Variants in ZBTB38 observed in about 807,000 individuals in gnomAD.
ZBTB38 encodes zinc finger and BTB domain-containing protein 38.
A neutral mutation model predicts 76.8 loss-of-function variants in ZBTB38; 20 were observed. That is an observed-to-expected ratio of 0.26 (90% CI 0.18 to 0.38). The LOEUF (loss-of-function observed/expected upper bound fraction) is 0.38, where lower values mean the gene tolerates loss of function less well. Among genes scored for constraint, ZBTB38 ranks in the 10% least tolerant of loss-of-function variants. The pLI, the probability that ZBTB38 is intolerant of heterozygous loss-of-function variation, is 1.00. For missense variants in ZBTB38, 1,082 were observed against 1,482.3 expected, an observed-to-expected ratio of 0.73 and a Z score of 4.43; for synonymous variants, 504 against 544.2, an observed-to-expected ratio of 0.93 and a Z score of 1.03.
intron 1 of ZBTB38, among the ~76,000 whole-genome samples, chr3:141,335,027 T>TGACACTACCGCCTCTGCTGCC (rs1942976223): frequency 6.6e-6 from 1 of 151,798 alleles, no homozygotes; most frequent in Admixed American, 6.6e-5. Flanking sequence ...TCTGCATGTC[T>TGACACTACCGCCTCTGCTGCC]GACACTACCG....
chr3:141,373,295 G>A (rs1944901940), intron 2 of ZBTB38, among the ~76,000 whole-genome samples: 1 of 152,144 alleles, frequency 6.6e-6, no homozygotes, highest in African/African-American at 2.4e-5. Context: ...AATTTCACAT[G>A]GGAGTAATAA....
chr3:141,425,994 A>G, intron 5 of ZBTB38: 1 of 431,130 alleles, frequency 2.3e-6, no homozygotes, highest in South Asian at 1.8e-5. Flanking sequence ...CAGCACATAT[A>G]TGCTTGTTAG....
chr3:141,435,623 G>A (rs763473148), intron 5 of ZBTB38, among the ~76,000 whole-genome samples: 2 of 151,982 alleles, frequency 1.3e-5, no homozygotes, highest in African/African-American at 4.8e-5. Context: ...AGCCAGGCAC[G>A]GTGGCACACA....
intron 1 of ZBTB38, among the ~76,000 whole-genome samples, chr3:141,356,970 A>G (rs994984308): frequency 3.3e-5 from 5 of 152,230 alleles, no homozygotes; most frequent in African/African-American, 1.2e-4. Flanking sequence ...AAATAATTAG[A>G]TCACTACCAA....
At chr3:141,421,082 T>G (rs375043849) in intron 5 of ZBTB38, among the ~76,000 whole-genome samples, 1 of 152,098 alleles carries the variant, frequency 6.6e-6, no homozygotes, top group Admixed American at 6.5e-5. Flanking sequence ...CTACTTGCTA[T>G]GTACTTGCTG....
chr3:141,331,171 T>G (rs762279405), intron 1 of ZBTB38, among the ~76,000 whole-genome samples: 7 of 152,214 alleles, frequency 4.6e-5, no homozygotes, highest in Non-Finnish European at 1.0e-4. Context: ...TGACATCAAC[T>G]CTAAATATCT....
At position 141,334,513 on chromosome 3, in the gene ZBTB38, C is replaced by T. The variant is rs1413922160; in HGVS notation, c.-739+10057C>T. On this transcript the variant is annotated intron_variant, in intron 1 of 7. Transcript: ENST00000509842. ...CCTTCCTTCCTTCCTTTCCTTCCTT[C>T]TCCCTTCCTTTCTCTCTGGGAAGGA... Among the ~76,000 whole-genome samples, 3 of 150,958 alleles carry T rather than the reference C, an allele frequency of 2.0e-5. No homozygotes were observed. In the East Asian group the frequency reaches 5.8e-4, roughly 29 times the overall value.
At chr3:141,340,980 A>AAGAAAGAAAG (rs1943176949) in intron 1 of ZBTB38, among the ~76,000 whole-genome samples, 1 of 148,256 alleles carries the variant, frequency 6.7e-6, no homozygotes, top group Non-Finnish European at 1.5e-5. Flanking sequence ...GAAAGAAAGA[A>AAGAAAGAAAG]AGAAAGAAAG....
At chr3:141,357,561 G>T (rs1476243196) in intron 1 of ZBTB38, among the ~76,000 whole-genome samples, 2 of 151,952 alleles carry the variant, frequency 1.3e-5, no homozygotes, top group African/African-American at 2.4e-5. Flanking sequence ...ATGAAGTCTC[G>T]CTCTGTTGCC....
intron 1 of ZBTB38, among the ~76,000 whole-genome samples, chr3:141,355,018 A>G (rs1307007289): frequency 6.6e-6 from 1 of 152,002 alleles, no homozygotes; most frequent in African/African-American, 2.4e-5. Context: ...CACTAAATTA[A>G]TATATGCACA....
At chr3:141,425,335 T>C (rs1466426317) in intron 5 of ZBTB38, among the ~76,000 whole-genome samples, 1 of 152,222 alleles carries the variant, frequency 6.6e-6, no homozygotes, top group East Asian at 1.9e-4. Context: ...AATATTATCT[T>C]GAAATGGGAG....
At chr3:141,384,946 A>T (rs1309885161) in intron 3 of ZBTB38, 1 of 152,252 alleles carries the variant, frequency 6.6e-6, no homozygotes, top group Non-Finnish European at 1.5e-5. Flanking sequence ...GGCAGGGTAC[A>T]TTCCATACAC....
chr3:141,334,348 G>A (rs1015951431), intron 1 of ZBTB38, among the ~76,000 whole-genome samples: 24 of 151,590 alleles, frequency 1.6e-4, no homozygotes, highest in Admixed American at 2.0e-4. Context: ...ACATTAAATC[G>A]CCTCCCTGCC....
At chr3:141,389,877 C>T (rs1948313817) in intron 4 of ZBTB38, 1 of 152,090 alleles carries the variant, frequency 6.6e-6, no homozygotes, top group East Asian at 1.9e-4. Context: ...AATGTCGATT[C>T]TTTTGTTTGT....
chr3:141,326,817 C>T (rs1942687781), intron 1 of ZBTB38, among the ~76,000 whole-genome samples: 1 of 152,110 alleles, frequency 6.6e-6, no homozygotes, highest in African/African-American at 2.4e-5. Flanking sequence ...CCAATTCCTC[C>T]CTCTTGAGGG....
At chr3:141,411,182 AG>A (rs889220293) in intron 5 of ZBTB38, among the ~76,000 whole-genome samples, 1 of 152,238 alleles carries the variant, frequency 6.6e-6, no homozygotes, top group Non-Finnish European at 1.5e-5. Flanking sequence ...TTGCCAGGCA[AG>A]GGAGACCCAC....
intron 1 of ZBTB38, among the ~76,000 whole-genome samples, chr3:141,331,751 T>C (rs1942860052): frequency 6.6e-6 from 1 of 152,188 alleles, no homozygotes; most frequent in African/African-American, 2.4e-5. Context: ...TTCATGGGTT[T>C]GAGCAGAAGA....
chr3:141,342,725 C>CT (rs60578286), intron 1 of ZBTB38, among the ~76,000 whole-genome samples: 6,269 of 108,780 alleles, frequency 0.058, 253 homozygotes, highest in African/African-American at 0.1. Context: ...GTCCCATGAT[C>CT]TTTTTTTTTT....
chr3:141,430,258 G>C (rs1044271420), intron 5 of ZBTB38, among the ~76,000 whole-genome samples: 5 of 151,932 alleles, frequency 3.3e-5, no homozygotes, highest in African/African-American at 1.2e-4. Context: ...GTAGAGATGG[G>C]GTTTTGCCAT....
Sources: gnomAD v4.1 joint callset for allele counts (sites outside exome capture counted in the v4.1 genomes callset) on GRCh38, gnomAD v4.1.1 for gene constraint, MANE v1.5 for transcripts, NCBI Gene and HGNC (gene_info 2026-07-23, HGNC 2026-07-21) for gene names.